CDH13: variants seen among roughly 807,000 people sequenced by gnomAD.
CDH13 encodes the protein cadherin 13.
In CDH13, 24 loss-of-function variants were observed where a neutral mutation model predicts 63.8. The ratio of observed to expected loss-of-function variants is 0.38; its 90% CI spans 0.27 to 0.53. The LOEUF is 0.53. CDH13 is among the 20% of genes least tolerant of loss of function. CDH13 has a pLI of 0.85. For missense variants in CDH13, 1,049 were observed against 903.1 expected (o/e 1.16, Z -2.07); for synonymous variants, 503 against 355.3 (o/e 1.42, Z -4.67).
intron 2 of CDH13, among the ~76,000 whole-genome samples, chr16:82,877,757 T>C (rs182816961): frequency 4.0e-5 from 6 of 151,776 alleles, no homozygotes; most frequent in East Asian, 1.9e-4. Flanking sequence ...CTCAAATCTC[T>C]CCTAAAGTTA....
chr16:83,578,111 G>T (rs1056423034), intron 7 of CDH13, among the ~76,000 whole-genome samples: 1 of 152,156 alleles, frequency 6.6e-6, no homozygotes, highest in East Asian at 1.9e-4. Context: ...CTTCAGTGCT[G>T]CAAAGAGCTA....
At chr16:83,751,542 C>A (rs559617514) in intron 11 of CDH13, among the ~76,000 whole-genome samples, 1 of 152,258 alleles carries the variant, frequency 6.6e-6, no homozygotes, top group Admixed American at 6.5e-5. Flanking sequence ...TAGGCAGCTG[C>A]CGCAGAAATA....
chr16:83,505,901 C>G (rs569791310), intron 7 of CDH13, among the ~76,000 whole-genome samples: 1 of 152,174 alleles, frequency 6.6e-6, no homozygotes, highest in Admixed American at 6.5e-5. Context: ...ACATTGCAAA[C>G]GCATCAGCAT....
At chr16:82,859,596 A>G (rs1385464704) in intron 2 of CDH13, 1 of 152,218 alleles carries the variant, frequency 6.6e-6, no homozygotes, top group African/African-American at 2.4e-5. Flanking sequence ...GAAAATTAAA[A>G]TAAGCTGATC....
At chr16:83,445,482 A>G (rs1412603665) in intron 6 of CDH13, among the ~76,000 whole-genome samples, 1 of 152,108 alleles carries the variant, frequency 6.6e-6, no homozygotes, top group Non-Finnish European at 1.5e-5. Flanking sequence ...GAGGAGCTTT[A>G]TCACCTGGCT....
intron 2 of CDH13, among the ~76,000 whole-genome samples, chr16:82,995,673 A>G (rs139584180): frequency 1.1e-4 from 17 of 152,274 alleles, no homozygotes; most frequent in African/African-American, 3.8e-4. Context: ...AAAACACACC[A>G]AACAACTATT....
At chr16:83,345,694 T>C (rs1166520304) in intron 6 of CDH13, among the ~76,000 whole-genome samples, 3 of 152,186 alleles carry the variant, frequency 2.0e-5, no homozygotes, top group Non-Finnish European at 4.4e-5. Context: ...AGCCAGCAGC[T>C]GAAGTCACTC....
Position 83,020,154 on chromosome 16 carries a change from TG to T in CDH13, c.158-11854del, listed in dbSNP as rs1383447921. 4.6e-5 allele frequency among the ~76,000 whole-genome samples: 7 copies of T among 152,222 alleles called. No homozygotes were observed. The South Asian group carries it at 1.4e-3, about 31-fold the overall frequency. On this transcript the variant is annotated intron_variant, in intron 2 of 13. Transcript: ENST00000567109. ...TCGCTATGTGGCACATGACCGAATT[TG>T]GACAAATATGACGTCATGCAAATAT...
At chr16:83,163,162 C>T (rs980893650) in intron 4 of CDH13, among the ~76,000 whole-genome samples, 4 of 152,118 alleles carry the variant, frequency 2.6e-5, no homozygotes, top group African/African-American at 9.7e-5. Flanking sequence ...TGCCATTCAC[C>T]TTCCACCATG....
intron 3 of CDH13, among the ~76,000 whole-genome samples, chr16:83,057,134 T>G (rs984302202): frequency 2.6e-5 from 4 of 152,102 alleles, no homozygotes; most frequent in Admixed American, 6.5e-5. Context: ...ACCCAGCTAA[T>G]TTTTATATTT....
chr16:83,696,307 C>A (rs140960050), intron 10 of CDH13, among the ~76,000 whole-genome samples: 10 of 152,282 alleles, frequency 6.6e-5, no homozygotes, highest in African/African-American at 2.2e-4. Context: ...CCTGTGATAT[C>A]TTTTTATAAT....
intron 6 of CDH13, among the ~76,000 whole-genome samples, chr16:83,358,401 C>T (rs2091097756): frequency 6.6e-6 from 1 of 152,082 alleles, no homozygotes; most frequent in African/African-American, 2.4e-5. Flanking sequence ...AAAATATGTG[C>T]TAGGAAGGCA....
intron 7 of CDH13, among the ~76,000 whole-genome samples, chr16:83,501,118 C>T (rs1447095799): frequency 6.6e-6 from 1 of 152,208 alleles, no homozygotes; most frequent in African/African-American, 2.4e-5. Context: ...TCATCACAGA[C>T]ACACTGACCA....
intron 5 of CDH13, among the ~76,000 whole-genome samples, chr16:83,338,613 C>G (rs1242261046): frequency 3.3e-5 from 5 of 152,182 alleles, no homozygotes; most frequent in Non-Finnish European, 7.3e-5. Context: ...GAATGTAAGC[C>G]AGGGACACCC....
At chr16:82,847,229 A>G (rs1283733941) in intron 1 of CDH13, among the ~76,000 whole-genome samples, 2 of 152,248 alleles carry the variant, frequency 1.3e-5, no homozygotes, top group African/African-American at 4.8e-5. Context: ...GGCTGCTGTA[A>G]CAAATGACCA....
chr16:83,054,076 G>C (rs995702511), intron 3 of CDH13, among the ~76,000 whole-genome samples: 1 of 152,080 alleles, frequency 6.6e-6, no homozygotes, highest in African/African-American at 2.4e-5. Flanking sequence ...CATACTGTAC[G>C]GGTTTATAGC....
intron 1 of CDH13, among the ~76,000 whole-genome samples, chr16:82,752,455 A>G (rs2034455996): frequency 6.6e-6 from 1 of 152,198 alleles, no homozygotes. Flanking sequence ...TCCTAAATGA[A>G]TTAGTCCAGA....
intron 1 of CDH13, among the ~76,000 whole-genome samples, chr16:82,657,857 A>T (rs1911475965): frequency 6.6e-6 from 1 of 152,172 alleles, no homozygotes; most frequent in Non-Finnish European, 1.5e-5. Context: ...TAATCATTTT[A>T]TCTGCAAACT....
chr16:82,746,104 A>G (rs991497109), intron 1 of CDH13, among the ~76,000 whole-genome samples: 1 of 151,652 alleles, frequency 6.6e-6, no homozygotes, highest in African/African-American at 2.4e-5. Context: ...CTCTCTCTCT[A>G]TATATACATA....
Sources: allele counts gnomAD v4.1 joint callset (sites outside exome capture counted in the v4.1 genomes callset), GRCh38; gene constraint gnomAD v4.1.1; transcripts MANE v1.5; gene names NCBI Gene and HGNC (gene_info 2026-07-23, HGNC 2026-07-21).